ATP13A5: variants seen among roughly 807,000 people sequenced by gnomAD.
The protein encoded by ATP13A5 is ATPase 13A5.
In ATP13A5, 149 loss-of-function variants were observed where a neutral mutation model predicts 150.2. That is an observed-to-expected ratio of 0.99 (90% CI 0.87 to 1.14). ATP13A5 has a LOEUF of 1.14. Ranked by LOEUF, ATP13A5 falls within the 50% of genes most tolerant of loss-of-function variation. The pLI is 0.00. For missense variants in ATP13A5, 1,383 were observed against 1,449.3 expected (o/e 0.95, Z 0.74); for synonymous variants, 497 against 522.2 (o/e 0.95, Z 0.66).
At chr3:193,321,583 A>G in intron 16 of ATP13A5, 98 bp downstream of exon 16, 1 of 1,349,174 alleles carries the variant, frequency 7.4e-7, no homozygotes, top group Non-Finnish European at 1.0e-6. Flanking sequence ...GTGAGCTGAG[A>G]TCGTGCCACT....
chr3:193,291,626 G>T (rs1717957055), intron 25 of ATP13A5, among the ~76,000 whole-genome samples: 1 of 151,918 alleles, frequency 6.6e-6, no homozygotes, highest in African/African-American at 2.4e-5. Context: ...TAGGGGAGTG[G>T]GGTTAGAGAC....
At chr3:193,375,917 T>A (rs1224480630) in intron 1 of ATP13A5, among the ~76,000 whole-genome samples, 1 of 152,202 alleles carries the variant, frequency 6.6e-6, no homozygotes, top group African/African-American at 2.4e-5. Context: ...TTGCCTCGAC[T>A]GTCTCTAATT....
intron 9 of ATP13A5, among the ~76,000 whole-genome samples, chr3:193,335,561 C>T (rs1711821753): frequency 6.6e-6 from 1 of 152,122 alleles, no homozygotes; most frequent in South Asian, 2.1e-4. Context: ...GTGCTAGGTG[C>T]TAGGAATATG....
rs367611908 is a variant in ATP13A5 at position 193,359,384 on chromosome 3, T to TTC, written c.536+2995_536+2996dup. On this transcript the variant is annotated intron_variant, in intron 5 of 29. Transcript: ENST00000342358. ...GTCTCACAGCAGCCTCTCTCTGTCC[T>TTC]TCTCTCTCTCTCTCTCACCTTCTTT... is the stretch of plus-strand genomic sequence containing the variant. 5.8e-3 allele frequency among the ~76,000 whole-genome samples: 874 copies of TTC among 150,966 alleles called. 8 individuals carry two copies. The highest frequency in any genetic ancestry group is 0.02 in the African/African-American group (830 of 41,272).
At chr3:193,317,262 A>G (rs1719084860) in intron 17 of ATP13A5, among the ~76,000 whole-genome samples, 1 of 152,206 alleles carries the variant, frequency 6.6e-6, no homozygotes, top group Non-Finnish European at 1.5e-5. Context: ...GCAAAATGAC[A>G]TTCTCTGTCT....
chr3:193,307,772 G>A (rs1718674019), intron 21 of ATP13A5, among the ~76,000 whole-genome samples: 1 of 152,142 alleles, frequency 6.6e-6, no homozygotes, highest in Admixed American at 6.6e-5. Context: ...CTGTTGCTGA[G>A]CATTTACAGC....
chr3:193,281,977 C>T (rs997358686), intron 27 of ATP13A5, among the ~76,000 whole-genome samples: 39 of 151,912 alleles, frequency 2.6e-4, no homozygotes, highest in African/African-American at 9.2e-4. Flanking sequence ...GGGTGGATCA[C>T]GAGGTCAGGA....
intron 26 of ATP13A5, 68 bp from the exon 27 acceptor site, chr3:193,285,184 ATAATT>A (rs1717670067): frequency 1.8e-5 from 24 of 1,314,976 alleles, no homozygotes; most frequent in South Asian, 4.1e-5. Context: ...GAAAAAAAAA[ATAATT>A]TAATCACTAC....
chr3:193,324,806 A>C (rs1018045052), intron 14 of ATP13A5, 58 bp downstream of exon 14: 3 of 1,569,180 alleles, frequency 1.9e-6, no homozygotes, highest in Non-Finnish European at 2.6e-6. Context: ...GAAAAGCTTC[A>C]GCACTCCCAG....
chr3:193,363,331 T>G lies in ATP13A5; in HGVS notation c.289A>C (p.Thr97Pro). The G allele has an allele frequency of 6.2e-7, 1 of 1,613,912 alleles. No homozygotes were observed. Among genetic ancestry groups the G allele is most frequent in the Non-Finnish European group, 8.5e-7 (1 of 1,179,810 alleles). ...TTCTTGCTTACAGGAAACTTCAGTG[T>G]GGATAAGTAGAGGCAGAATACCTTC... Reference protein sequence around the residue: ...RKKVFCLYLSTLKFPVSKKWE... With the variant: ...RKKVFCLYLSPLKFPVSKKWE... Residue 97 changes from threonine to proline, a missense_variant, in exon 3 of 30, where the codon ACA becomes CCA. By Grantham distance (38) the Thr-to-Pro change is conservative. This residue lies in a region of ATP13A5 where 787 missense variants were observed against 771.9 expected (regional missense o/e 1.02). Transcript: ENST00000342358.
intron 24 of ATP13A5, 31 bp downstream of exon 24, chr3:193,301,180 A>G (rs1718382431): frequency 1.3e-6 from 2 of 1,507,660 alleles, no homozygotes; most frequent in Non-Finnish European, 9.2e-7. Context: ...AAATGCAATT[A>G]GAACTGAGAC....
At chr3:193,322,753 C>T (rs1166527496) in intron 14 of ATP13A5, among the ~76,000 whole-genome samples, 179 bp from the exon 15 acceptor site, 2 of 152,054 alleles carry the variant, frequency 1.3e-5, no homozygotes, top group Non-Finnish European at 2.9e-5. Context: ...ATATTAGGGG[C>T]CTTATTGTAG....
rs1719157563 is a variant in ATP13A5 at position 193,319,013 on chromosome 3, A to C, written c.2011T>G (p.Ser671Ala). ...AHKTLKMGNL[S>A]EVEHLAREKV... is the part of the protein sequence containing the mutation. ...TACCTGGCTAAGTGCTCGACTTCTG[A>C]AAGATTCCCCATCTTTAAGGTTTTG... The change falls in exon 17 of 30, where the codon TCA becomes GCA. Residue 671 changes from serine to alanine, a missense_variant. Transcript: ENST00000342358. 2 of 1,613,816 alleles carry C rather than the reference A, an allele frequency of 1.2e-6. No individual in the cohort carries two copies.
At position 193,334,950 on chromosome 3, in the gene ATP13A5, G is replaced by T. The variant is rs139354114; in HGVS notation, c.1093C>A (p.Arg365=). The T allele has an allele frequency of 3.1e-6, 5 of 1,613,536 alleles. No homozygotes were observed. In the South Asian group the frequency reaches 4.4e-5, roughly 14 times the overall value. Residue 365 remains arginine, a synonymous_variant, in exon 10 of 30, where the codon CGA becomes AGA. Transcript: ENST00000342358. The stretch of plus-strand genomic sequence containing the variant: ...TAACCTGTTTGCAAAACGACTGCTC[G>T]TACAGGCCCCTGCCCAGAGGGCTTG... ...QVKPSGQGPV[R]AVVLQTGYNT... is the part of the protein sequence containing the mutation.
chr3:193,304,172 T>C (rs1175955214), intron 23 of ATP13A5, among the ~76,000 whole-genome samples: 1 of 152,138 alleles, frequency 6.6e-6, no homozygotes, highest in Non-Finnish European at 1.5e-5. Flanking sequence ...TGTTTGGTTA[T>C]GGGTGAAGAA....
chr3:193,314,864 C>A lies in ATP13A5; in HGVS notation c.2158+108G>T, dbSNP rs564243071. 2,005 of 1,419,032 alleles carry A rather than the reference C, an allele frequency of 1.4e-3. 6 individuals are homozygous for A. Among genetic ancestry groups the A allele is most frequent in the South Asian group, 2.0e-3 (148 of 72,568 alleles). The allele number at this position is 1,419,032 out of a possible 1,614,324, so 87.9% of individuals were successfully genotyped here. A position where few individuals can be genotyped will look rare whatever the true frequency, so the allele number is the denominator to read the frequency against. On this transcript the variant is annotated intron_variant, in intron 18 of 29. Transcript: ENST00000342358. The stretch of plus-strand genomic sequence containing the variant: ...GACTACAGGGTAACAAATTCGACAA[C>A]AGAACATTTTTCCCTGTCTCTGATA...
rs545629970 is a variant in ATP13A5, at chr3:193,332,122, C to T, written c.1273-811G>A. Among the ~76,000 whole-genome samples the T allele has an allele frequency of 7.2e-5, 11 of 152,266 alleles. No individual in the cohort carries two copies. In the East Asian group the frequency reaches 1.7e-3, roughly 24 times the overall value. ...TAAGAGGGACCCAGTGGGAGGTAAT[C>T]GAATCATGGGGGCAGTTTCCCCCAT... On this transcript the variant is annotated intron_variant, in intron 11 of 29. Coordinates refer to ENST00000342358, the MANE Select transcript of ATP13A5 (RefSeq NM_198505.4).
chr3:193,361,635 G>A (rs1521275), intron 5 of ATP13A5, among the ~76,000 whole-genome samples: 146,515 of 152,264 alleles, frequency 0.96, 70,523 homozygotes, highest in African/African-American at 0.99. Flanking sequence ...ATTTGCCAGG[G>A]TTCATCATTT....
intron 27 of ATP13A5, among the ~76,000 whole-genome samples, chr3:193,280,195 C>T (rs777793506): frequency 2.5e-4 from 38 of 151,966 alleles, no homozygotes; most frequent in Non-Finnish European, 4.4e-4. Flanking sequence ...GGACTACAGG[C>T]GCCCACCACC....
Sources: gnomAD v4.1 joint callset for allele counts (sites outside exome capture counted in the v4.1 genomes callset) on GRCh38, gnomAD v4.1.1 for gene constraint, gnomAD v4.1.1 regional missense constraint, MANE v1.5 for transcripts, NCBI Gene and HGNC (gene_info 2026-07-23, HGNC 2026-07-21) for gene names.